Variants in THSD7A observed in about 807,000 individuals in gnomAD.
THSD7A encodes thrombospondin type-1 domain-containing protein 7A.
Under a neutral mutation model 231.3 loss-of-function variants are expected in THSD7A, and 96 were observed. The observed-to-expected ratio is 0.41, with a 90% confidence interval of 0.35 to 0.49. The LOEUF (loss-of-function observed/expected upper bound fraction) is 0.49, where lower values mean the gene tolerates loss of function less well. Among genes scored for constraint, THSD7A ranks in the 20% least tolerant of loss-of-function variants. THSD7A has a pLI of 0.05. For synonymous variants in THSD7A, 940 were observed against 743.3 expected, an observed-to-expected ratio of 1.26 and a Z score of -4.30; for missense variants, 2,290 against 2,070.2, an observed-to-expected ratio of 1.11 and a Z score of -2.06.
chr7:11,766,114 G>A (rs779486937), intron 1 of THSD7A, among the ~76,000 whole-genome samples: 6 of 152,144 alleles, frequency 3.9e-5, no homozygotes, highest in Admixed American at 3.3e-4. Flanking sequence ...GCTGTTTGAA[G>A]TCTCATGCCC....
chr7:11,523,159 G>T (rs958526302), intron 6 of THSD7A, among the ~76,000 whole-genome samples: 1 of 152,018 alleles, frequency 6.6e-6, no homozygotes, highest in African/African-American at 2.4e-5. Flanking sequence ...GGTGAATAAA[G>T]AATTCAAAAC....
At chr7:11,579,491 C>T (rs1791062814) in intron 4 of THSD7A, among the ~76,000 whole-genome samples, 1 of 152,176 alleles carries the variant, frequency 6.6e-6, no homozygotes, top group Admixed American at 6.6e-5. Flanking sequence ...TTACAAAAAG[C>T]ACGGATACTA....
chr7:11,488,897 T>C (rs140786172), intron 6 of THSD7A, among the ~76,000 whole-genome samples: 145 of 152,254 alleles, frequency 9.5e-4, no homozygotes, highest in Non-Finnish European at 1.5e-3. Context: ...CTGTTCTTCA[T>C]GCCTGGTGTC....
chr7:11,715,452 CTTAA>C (rs1472517047), intron 1 of THSD7A, among the ~76,000 whole-genome samples: 2 of 151,432 alleles, frequency 1.3e-5, no homozygotes, highest in Non-Finnish European at 3.0e-5. Context: ...TTTTACTCAA[CTTAA>C]TTAACTGCTA....
intron 1 of THSD7A, among the ~76,000 whole-genome samples, chr7:11,675,411 C>T (rs1584192109): frequency 6.6e-6 from 1 of 152,046 alleles, no homozygotes; most frequent in African/African-American, 2.4e-5. Context: ...GCTAGCGAGA[C>T]AGAACGGTTC....
rs142096515 is a variant in THSD7A at position 11,543,374 on chromosome 7, G to A, written c.1454-257C>T. Among the ~76,000 whole-genome samples, 486 of 152,302 alleles carry A rather than the reference G, an allele frequency of 3.2e-3. 7 individuals are homozygous for A. Among genetic ancestry groups the A allele is most frequent in the African/African-American group, 0.011 (458 of 41,564 alleles). The stretch of plus-strand genomic sequence containing the variant: ...ACCAGTTTTACCATTAATTGGTCAT[G>A]CAATTAATAATGCTGAATATAACTT... On this transcript the variant is annotated intron_variant, in intron 4 of 27. Coordinates refer to ENST00000423059, the MANE Select transcript of THSD7A (RefSeq NM_015204.3).
chr7:11,426,927 G>A (rs1423669486), intron 14 of THSD7A, among the ~76,000 whole-genome samples: 15 of 152,164 alleles, frequency 9.9e-5, no homozygotes, highest in Non-Finnish European at 1.5e-5. Flanking sequence ...TAGATGGGCA[G>A]GATGGAGAAA....
intron 1 of THSD7A, among the ~76,000 whole-genome samples, chr7:11,786,858 C>T (rs888516867): frequency 6.0e-5 from 9 of 151,256 alleles, no homozygotes; most frequent in African/African-American, 1.9e-4. Context: ...AAAATTAAAA[C>T]ATCAAACAAA....
intron 4 of THSD7A, among the ~76,000 whole-genome samples, chr7:11,583,985 T>C (rs1365118520): frequency 6.6e-6 from 1 of 152,204 alleles, no homozygotes; most frequent in Non-Finnish European, 1.5e-5. Context: ...TACAGGTAAG[T>C]TGAGTTTCTC....
intron 4 of THSD7A, among the ~76,000 whole-genome samples, chr7:11,584,518 T>C (rs1488119968): frequency 6.6e-6 from 1 of 152,066 alleles, no homozygotes; most frequent in Non-Finnish European, 1.5e-5. Flanking sequence ...TAAGCTAGTC[T>C]GTCACATAGC....
intron 6 of THSD7A, among the ~76,000 whole-genome samples, chr7:11,493,803 C>T (rs556129657): frequency 5.0e-4 from 76 of 152,056 alleles, no homozygotes; most frequent in Non-Finnish European, 9.0e-4. Context: ...GTTTCATGGT[C>T]ATCTATGAAC....
chr7:11,505,829 T>C (rs1787521631), intron 6 of THSD7A, among the ~76,000 whole-genome samples: 1 of 152,176 alleles, frequency 6.6e-6, no homozygotes, highest in African/African-American at 2.4e-5. Context: ...GGACAAGCAC[T>C]GTGGCTTGAG....
At chr7:11,649,468 T>C (rs1339502569) in intron 1 of THSD7A, among the ~76,000 whole-genome samples, 1 of 152,032 alleles carries the variant, frequency 6.6e-6, no homozygotes, top group Non-Finnish European at 1.5e-5. Context: ...ATACAGATTA[T>C]GGTGGCTGGA....
At chr7:11,541,252 A>G (rs1441608499) in intron 6 of THSD7A, among the ~76,000 whole-genome samples, 167 bp downstream of exon 6, 1 of 152,194 alleles carries the variant, frequency 6.6e-6, no homozygotes, top group Non-Finnish European at 1.5e-5. Context: ...CATTAGAACA[A>G]AAGAGAAAGA....
intron 1 of THSD7A, among the ~76,000 whole-genome samples, chr7:11,764,569 CAA>C (rs11423096): frequency 0.17 from 18,254 of 106,228 alleles, 1,129 homozygotes; most frequent in South Asian, 0.3. Flanking sequence ...GACTCCGTCT[CAA>C]AAAAAAAAAA....
At chr7:11,817,800 TATTCCTAATAA>T (rs1407051182) in intron 1 of THSD7A, among the ~76,000 whole-genome samples, 1 of 152,224 alleles carries the variant, frequency 6.6e-6, no homozygotes, top group Non-Finnish European at 1.5e-5. Flanking sequence ...TTAGAAATCA[TATTCCTAATAA>T]ATAACAAAAT....
intron 15 of THSD7A, 121 bp downstream of exon 15, chr7:11,426,545 A>G (rs73675999): frequency 0.026 from 28,930 of 1,094,646 alleles, 1,514 homozygotes; most frequent in African/African-American, 0.18. Context: ...AATGGAAAAT[A>G]TGACATTTTC....
chr7:11,454,385 T>C (rs998574530), intron 11 of THSD7A, among the ~76,000 whole-genome samples: 4 of 151,908 alleles, frequency 2.6e-5, no homozygotes, highest in African/African-American at 9.7e-5. Context: ...ATTTTTTTAA[T>C]GAGAAAAAGA....
At chr7:11,770,884 T>A (rs890999523) in intron 1 of THSD7A, among the ~76,000 whole-genome samples, 1 of 151,926 alleles carries the variant, frequency 6.6e-6, no homozygotes, top group Admixed American at 6.6e-5. Context: ...TTTTACTTTT[T>A]AAAAAATCAA....
Sources: allele counts gnomAD v4.1 joint callset (sites outside exome capture counted in the v4.1 genomes callset), GRCh38; gene constraint gnomAD v4.1.1; transcripts MANE v1.5; gene names NCBI Gene and HGNC (gene_info 2026-07-23, HGNC 2026-07-21).